The following LMX1A variants were observed in gnomAD, a reference collection of about 807,000 sequenced individuals.
The protein encoded by LMX1A is LIM homeobox transcription factor 1 alpha.
LMX1A carries 15 observed loss-of-function variants against 49.1 expected under a neutral mutation model. The ratio of observed to expected loss-of-function variants is 0.31; its 90% confidence interval spans 0.20 to 0.47. The LOEUF is 0.47. LMX1A is among the 20% of genes least tolerant of loss of function. LMX1A has a pLI of 1.00. For missense variants in LMX1A, 372 were observed against 475.8 expected (o/e 0.78, Z 2.03); for synonymous variants, 167 against 185.7 (o/e 0.90, Z 0.82).
chr1:165,229,426 A>G (rs1028989321), intron 4 of LMX1A, among the ~76,000 whole-genome samples: 2 of 152,156 alleles, frequency 1.3e-5, no homozygotes, highest in African/African-American at 2.4e-5. Context: ...CGTGTTCCCA[A>G]CTATCTCTTT....
intron 6 of LMX1A, among the ~76,000 whole-genome samples, chr1:165,209,811 G>A (rs1039271470): frequency 2.0e-5 from 3 of 152,226 alleles, no homozygotes; most frequent in South Asian, 2.1e-4. Flanking sequence ...GGGGTCACTG[G>A]AATCCCAATT....
chr1:165,218,649 TA>T (rs1211084255), intron 4 of LMX1A: 1 of 152,218 alleles, frequency 6.6e-6, no homozygotes, highest in African/African-American at 2.4e-5. Context: ...ATGCAGTGCC[TA>T]AAATTTACAC....
chr1:165,209,770 A>T (rs1186460785), intron 6 of LMX1A, among the ~76,000 whole-genome samples: 1 of 152,226 alleles, frequency 6.6e-6, no homozygotes, highest in Non-Finnish European at 1.5e-5. Flanking sequence ...ATTCTGTGAG[A>T]TGCTCTGCAA....
At chr1:165,243,293 G>T (rs1168303893) in intron 4 of LMX1A, among the ~76,000 whole-genome samples, 1 of 152,160 alleles carries the variant, frequency 6.6e-6, no homozygotes, top group African/African-American at 2.4e-5. Flanking sequence ...GATAAGAGGG[G>T]TAGATAAGTA....
At chr1:165,219,282 T>C (rs1651751536) in intron 4 of LMX1A, among the ~76,000 whole-genome samples, 1 of 152,150 alleles carries the variant, frequency 6.6e-6, no homozygotes, top group South Asian at 2.1e-4. Flanking sequence ...GCAAGAGATA[T>C]CTGAGCTTGG....
At chr1:165,215,778 G>A (rs1252975804) in intron 4 of LMX1A, among the ~76,000 whole-genome samples, 3 of 152,146 alleles carry the variant, frequency 2.0e-5, no homozygotes, top group Non-Finnish European at 4.4e-5. Context: ...ACTGATACAG[G>A]CAGACCTAGG....
Position 165,355,860 on chromosome 1 carries a change from A to C in LMX1A, c.-22-279T>G. ...TCTCCTGCCCCCCTCACCCCCACCT[A>C]CATCCCTTGCCCCAGGTTTTCCATC... On this transcript the variant is annotated intron_variant, in intron 1 of 8. Transcript: ENST00000342310. This position sits in a 1 kb window ranked among gnomAD's most constrained non-coding sequence, Gnocchi z 4.7. The C allele has an allele frequency of 6.9e-6, 3 of 432,864 alleles. No homozygotes were observed. The highest frequency in any genetic ancestry group is 4.3e-5 in the East Asian group (1 of 23,140). 26.8% of individuals were successfully genotyped at this position (432,864 alleles called of 1,614,324 possible).
chr1:165,291,501 A>C (rs570482321), intron 3 of LMX1A, among the ~76,000 whole-genome samples: 1 of 152,330 alleles, frequency 6.6e-6, no homozygotes, highest in South Asian at 2.1e-4. Flanking sequence ...AATAAACTGG[A>C]GCATGTCTAA....
At chr1:165,270,832 G>A (rs1327770356) in intron 3 of LMX1A, among the ~76,000 whole-genome samples, 1 of 152,084 alleles carries the variant, frequency 6.6e-6, no homozygotes, top group African/African-American at 2.4e-5. Context: ...GGAAAAGTAG[G>A]GACCACTGGG....
At chr1:165,352,657 G>A (rs1656467344) in intron 3 of LMX1A, among the ~76,000 whole-genome samples, 1 of 152,244 alleles carries the variant, frequency 6.6e-6, no homozygotes, top group Non-Finnish European at 1.5e-5. Flanking sequence ...CGGACACCTG[G>A]GTAACATGGG....
intron 3 of LMX1A, among the ~76,000 whole-genome samples, chr1:165,274,702 T>G (rs1453374599): frequency 1.3e-5 from 2 of 152,176 alleles, no homozygotes; most frequent in African/African-American, 4.8e-5. Context: ...CTATGTCCCT[T>G]GAAACTTTAT....
chr1:165,215,834 A>C (rs1300292217), intron 4 of LMX1A: 1 of 152,184 alleles, frequency 6.6e-6, no homozygotes, highest in Non-Finnish European at 1.5e-5. Context: ...GGCCCTGTGC[A>C]AGTTATGTCA....
chr1:165,349,730 C>T (rs562373456), intron 3 of LMX1A, among the ~76,000 whole-genome samples: 6 of 152,246 alleles, frequency 3.9e-5, no homozygotes, highest in South Asian at 2.1e-4. Flanking sequence ...GTGTGCAAGA[C>T]GTCACTGTCA....
chr1:165,286,177 T>A (rs1473180581), intron 3 of LMX1A, among the ~76,000 whole-genome samples: 1 of 152,210 alleles, frequency 6.6e-6, no homozygotes, highest in Non-Finnish European at 1.5e-5. Context: ...CTTAATTTCC[T>A]CCTCTGTAAA....
intron 4 of LMX1A, among the ~76,000 whole-genome samples, chr1:165,216,886 T>A (rs1199880465): frequency 6.6e-6 from 1 of 152,224 alleles, no homozygotes; most frequent in African/African-American, 2.4e-5. Context: ...GAACACATTC[T>A]CAAGACTTAA....
intron 3 of LMX1A, among the ~76,000 whole-genome samples, chr1:165,287,975 C>T (rs1419005390): frequency 2.0e-5 from 3 of 152,108 alleles, no homozygotes; most frequent in East Asian, 1.9e-4. Context: ...AGCCAGATTG[C>T]GTTATTCATT....
chr1:165,217,385 AAG>A (rs534229067), intron 4 of LMX1A, among the ~76,000 whole-genome samples: 1 of 152,264 alleles, frequency 6.6e-6, no homozygotes, highest in African/African-American at 2.4e-5. Flanking sequence ...TGAACCAACA[AAG>A]AGAGGGGAGG....
At chr1:165,288,580 A>G (rs1470688771) in intron 3 of LMX1A, among the ~76,000 whole-genome samples, 1 of 152,120 alleles carries the variant, frequency 6.6e-6, no homozygotes, top group Non-Finnish European at 1.5e-5. Context: ...TCCAATTCTG[A>G]TGGGATCCCA....
At chr1:165,227,545 A>ATACATATG (rs1345813056) in intron 4 of LMX1A, among the ~76,000 whole-genome samples, 79 of 118,728 alleles carry the variant, frequency 6.7e-4, no homozygotes, top group African/African-American at 2.2e-3. Flanking sequence ...TATCTCAATA[A>ATACATATG]TACATACGTA....
Sources: allele counts gnomAD v4.1 joint callset (sites outside exome capture counted in the v4.1 genomes callset), GRCh38; gene constraint gnomAD v4.1.1; non-coding constraint Gnocchi (gnomAD v3.1); transcripts MANE v1.5; gene names NCBI Gene and HGNC (gene_info 2026-07-23, HGNC 2026-07-21).